COBLL1: variants seen among roughly 807,000 people sequenced by gnomAD.
COBLL1 encodes cordon-bleu protein-like 1.
A neutral mutation model predicts 94.8 loss-of-function variants in COBLL1; 50 were observed. The observed-to-expected ratio is 0.53, with a 90% CI of 0.42 to 0.67. COBLL1 has a LOEUF of 0.67. COBLL1 is among the 30% of genes least tolerant of loss of function. The pLI is 0.00. For missense variants in COBLL1, 1,362 were observed against 1,348.7 expected, an observed-to-expected ratio of 1.01 and a Z score of -0.15; for synonymous variants, 448 against 473.8, an observed-to-expected ratio of 0.95 and a Z score of 0.71.
At chr2:164,822,978 G>A (rs6757579) in intron 2 of COBLL1, among the ~76,000 whole-genome samples, 41,152 of 151,492 alleles carry the variant, frequency 0.27, 5,852 homozygotes, top group African/African-American at 0.34. Context: ...CATGTTGGCC[G>A]GGCTGGTGAA....
intron 2 of COBLL1, among the ~76,000 whole-genome samples, chr2:164,818,169 T>C (rs567473860): frequency 9.9e-5 from 15 of 151,216 alleles, no homozygotes; most frequent in African/African-American, 3.6e-4. Flanking sequence ...TATGTATACA[T>C]GCACGTATAC....
chr2:164,749,711 G>C (rs1363427581), intron 2 of COBLL1, among the ~76,000 whole-genome samples: 1 of 152,158 alleles, frequency 6.6e-6, no homozygotes, highest in Non-Finnish European at 1.5e-5. Flanking sequence ...ATTTCAAATA[G>C]TGAGTATGTC....
chr2:164,841,079 G>A lies in COBLL1; in HGVS notation c.41+77C>T. The A allele has an allele frequency of 2.5e-6, 3 of 1,217,598 alleles. No individual in the cohort carries two copies. Among genetic ancestry groups the A allele is most frequent in the Non-Finnish European group, 3.1e-6 (3 of 976,008 alleles). The allele number at this position is 1,217,598 out of a possible 1,614,324, so 75.4% of individuals were successfully genotyped here. Reference sequence around the variant, plus strand: ...GGCAGGGCAGCGAGTTGCCAGCCAGGTGAAACGGCCGAGGCCTCGCTGTCC... The same window carrying A: ...GGCAGGGCAGCGAGTTGCCAGCCAGATGAAACGGCCGAGGCCTCGCTGTCC... On this transcript the variant is annotated intron_variant, in intron 2 of 13. Transcript: ENST00000652658. The surrounding 1 kb of genome is among the most constrained non-coding windows in gnomAD (Gnocchi z 5.5).
intron 2 of COBLL1, among the ~76,000 whole-genome samples, chr2:164,800,710 A>G (rs1281934043): frequency 6.6e-6 from 1 of 152,234 alleles, no homozygotes; most frequent in Non-Finnish European, 1.5e-5. Context: ...ACTACAAAAT[A>G]CTACACTTAG....
At chr2:164,658,372 C>T (rs777985592) in intron 2 of COBLL1, among the ~76,000 whole-genome samples, 1 of 152,060 alleles carries the variant, frequency 6.6e-6, no homozygotes, top group Admixed American at 6.6e-5. Flanking sequence ...GGGAGGGGTG[C>T]CTTCAATGTC....
chr2:164,701,299 G>T (rs1218453659), intron 9 of COBLL1, among the ~76,000 whole-genome samples: 1 of 152,132 alleles, frequency 6.6e-6, no homozygotes, highest in Admixed American at 6.5e-5. Flanking sequence ...TGGGGCAAGG[G>T]ATTTTTAAGA....
chr2:164,687,464 T>TG, intron 13 of COBLL1: 1 of 1,430,906 alleles, frequency 7.0e-7, no homozygotes, highest in East Asian at 2.3e-5. Flanking sequence ...AACTTGGCCC[T>TG]GTGCAGGGCC....
At chr2:164,768,760 A>G (rs1478421097) in intron 2 of COBLL1, among the ~76,000 whole-genome samples, 1 of 152,168 alleles carries the variant, frequency 6.6e-6, no homozygotes, top group Non-Finnish European at 1.5e-5. Flanking sequence ...TTTAAAGATA[A>G]GTAATATGTA....
At chr2:164,745,349 A>C (rs1308846588) in intron 2 of COBLL1, among the ~76,000 whole-genome samples, 1 of 152,190 alleles carries the variant, frequency 6.6e-6, no homozygotes, top group Non-Finnish European at 1.5e-5. Context: ...GAGCAACAAA[A>C]CTACATTTTA....
chr2:164,674,056 T>C (rs1485591304), intron 1 of COBLL1, among the ~76,000 whole-genome samples: 2 of 152,112 alleles, frequency 1.3e-5, no homozygotes, highest in Admixed American at 6.5e-5. Context: ...TATCTTTTTG[T>C]TTTTTGTTGT....
chr2:164,772,920 G>A lies in COBLL1; in HGVS notation c.42-29045C>T, dbSNP rs530760938. On this transcript the variant is annotated intron_variant, in intron 2 of 13. Coordinates refer to ENST00000652658, the MANE Select transcript of COBLL1 (RefSeq NM_001365672.2). The stretch of plus-strand genomic sequence containing the variant: ...TAGTTTAGCAAAATTATATGTAATC[G>A]TGTACCAGCCAACTTAGAATGTCCA... Among the ~76,000 whole-genome samples the A allele has an allele frequency of 1.2e-4, 19 of 152,150 alleles. No homozygotes were observed. In the East Asian group the frequency reaches 2.7e-3, roughly 22 times the overall value.
chr2:164,748,080 C>T (rs777680472), intron 2 of COBLL1, among the ~76,000 whole-genome samples: 21 of 152,124 alleles, frequency 1.4e-4, no homozygotes, highest in Non-Finnish European at 2.4e-4. Context: ...AGACAAGAGA[C>T]TCAGGTCTTG....
At chr2:164,812,696 T>A (rs1366185030) in intron 2 of COBLL1, among the ~76,000 whole-genome samples, 1 of 152,032 alleles carries the variant, frequency 6.6e-6, no homozygotes, top group African/African-American at 2.4e-5. Context: ...ATAAAATACA[T>A]GCTAAGCCCT....
chr2:164,725,360 C>G (rs1040195624), intron 5 of COBLL1, among the ~76,000 whole-genome samples: 2 of 151,946 alleles, frequency 1.3e-5, no homozygotes, highest in African/African-American at 4.8e-5. Context: ...TTACTCAGAA[C>G]AGTAGATGAA....
At chr2:164,677,668 T>C (rs1013201365), downstream of COBLL1, among the ~76,000 whole-genome samples, 18 of 152,192 alleles carry the variant, frequency 1.2e-4, no homozygotes, top group Admixed American at 1.0e-3. Context: ...CCTGACTCTC[T>C]ACCCTTCTCA....
chr2:164,763,278 AT>A (rs1161657454), intron 2 of COBLL1, among the ~76,000 whole-genome samples: 1 of 152,008 alleles, frequency 6.6e-6, no homozygotes, highest in Non-Finnish European at 1.5e-5. Flanking sequence ...TTTGAAAAAA[AT>A]GTCTTTTTTC....
chr2:164,693,040 T>C (rs1262148628), intron 12 of COBLL1, among the ~76,000 whole-genome samples: 2 of 152,144 alleles, frequency 1.3e-5, no homozygotes, highest in Non-Finnish European at 2.9e-5. Context: ...GGAAGGAATA[T>C]TTAGTAACTG....
chr2:164,841,824 G>A (rs1240090407), upstream of COBLL1: 1 of 640,928 alleles, frequency 1.6e-6, no homozygotes, highest in East Asian at 3.1e-5. The surrounding 1 kb of genome is among the most constrained non-coding windows in gnomAD (Gnocchi z 5.5). Flanking sequence ...GGACTTGAAT[G>A]GAGAAGCGGC....
Position 164,799,571 on chromosome 2 carries a change from C to A in COBLL1, c.41+41585G>T, listed in dbSNP as rs568365967. ...TTTAACACAATTCCAGTCAAAACTC[C>A]AGTGGGATTTCTGTAGATATAGACA... On this transcript the variant is annotated intron_variant, in intron 2 of 13. Coordinates refer to ENST00000652658, the MANE Select transcript of COBLL1 (RefSeq NM_001365672.2). Among the ~76,000 whole-genome samples, 3 of 152,170 alleles carry A rather than the reference C, an allele frequency of 2.0e-5. 1 individual carries two copies. Among genetic ancestry groups the A allele is most frequent in the African/African-American group, 7.2e-5 (3 of 41,534 alleles).
Sources: gnomAD v4.1 joint callset for allele counts (sites outside exome capture counted in the v4.1 genomes callset) on GRCh38, gnomAD v4.1.1 for gene constraint, Gnocchi (gnomAD v3.1) non-coding constraint, MANE v1.5 for transcripts, NCBI Gene and HGNC (gene_info 2026-07-23, HGNC 2026-07-21) for gene names.